Variants in CSGALNACT1 observed in about 807,000 individuals in gnomAD.
CSGALNACT1 encodes the protein chondroitin sulfate N-acetylgalactosaminyltransferase 1.
In CSGALNACT1, 52 loss-of-function variants were observed where a neutral mutation model predicts 51.0. The ratio of observed to expected loss-of-function variants is 1.02; its 90% CI spans 0.82 to 1.29. CSGALNACT1 has a LOEUF of 1.29. CSGALNACT1 is among the 50% of genes most tolerant of loss of function. The pLI is 0.00. For synonymous variants in CSGALNACT1, 341 were observed against 254.4 expected (o/e 1.34, Z -3.24); for missense variants, 935 against 679.2 (o/e 1.38, Z -4.19).
intron 1 of CSGALNACT1, among the ~76,000 whole-genome samples, chr8:19,705,736 C>G (rs1339855257): frequency 4.7e-5 from 7 of 148,124 alleles, no homozygotes; most frequent in African/African-American, 1.7e-4. Context: ...GACCCAGTCT[C>G]AAAAAAAAAT....
chr8:19,619,248 C>CGGG (rs58524593), intron 1 of CSGALNACT1, among the ~76,000 whole-genome samples: 2 of 41,392 alleles, frequency 4.8e-5, no homozygotes, highest in East Asian at 3.6e-3. Flanking sequence ...TAGACAGGGT[C>CGGG]GGGGGGGGGT....
At chr8:19,469,141 G>T (rs2067453420) in intron 4 of CSGALNACT1, among the ~76,000 whole-genome samples, 1 of 152,192 alleles carries the variant, frequency 6.6e-6, no homozygotes, top group Non-Finnish European at 1.5e-5. Context: ...TGTAATCCTA[G>T]CACTTTGGGA....
At chr8:19,459,405 A>C (rs993064242) in intron 4 of CSGALNACT1, among the ~76,000 whole-genome samples, 1 of 148,008 alleles carries the variant, frequency 6.8e-6, no homozygotes, top group Admixed American at 6.7e-5. Context: ...AAAAAAAAAA[A>C]AAGGAAAGAA....
At chr8:19,498,655 G>C (rs1188412048) in intron 4 of CSGALNACT1, among the ~76,000 whole-genome samples, 1 of 151,914 alleles carries the variant, frequency 6.6e-6, no homozygotes, top group Non-Finnish European at 1.5e-5. Context: ...CTTCCAATTT[G>C]TGTACAACGC....
intron 6 of CSGALNACT1, among the ~76,000 whole-genome samples, chr8:19,432,011 C>CA (rs1437539300): frequency 6.6e-6 from 1 of 151,940 alleles, no homozygotes; most frequent in Non-Finnish European, 1.5e-5. Context: ...GAGTCACAAA[C>CA]AAAAATACAT....
rs573380283 is a variant in CSGALNACT1, at chr8:19,535,095, A to T, written c.-296-28965T>A. Among the ~76,000 whole-genome samples the T allele has an allele frequency of 3.3e-5, 5 of 152,338 alleles. No individual in the cohort carries two copies. In the South Asian group the frequency reaches 1.0e-3, roughly 32 times the overall value. On this transcript the variant is annotated intron_variant, in intron 3 of 9. Coordinates refer to ENST00000454498, the Ensembl canonical transcript of CSGALNACT1. ...GGCTTAAAACCATCTGTGCTGAGAG[A>T]AAGAATGTGAAGAAATAGGTTCCTA...
intron 1 of CSGALNACT1, among the ~76,000 whole-genome samples, chr8:19,674,837 AAAAAT>A (rs1025474511): frequency 3.6e-4 from 55 of 152,310 alleles, no homozygotes; most frequent in African/African-American, 1.2e-3. Flanking sequence ...TTTTGAAAAA[AAAAAT>A]CATAAGTAGC....
chr8:19,678,142 C>G (rs564345945), intron 1 of CSGALNACT1, among the ~76,000 whole-genome samples: 45 of 152,204 alleles, frequency 3.0e-4, no homozygotes, highest in African/African-American at 1.0e-3. Flanking sequence ...CTAAATGCTA[C>G]TTAGTCATAC....
At chr8:19,655,175 G>C (rs1461306906) in intron 1 of CSGALNACT1, among the ~76,000 whole-genome samples, 1 of 152,106 alleles carries the variant, frequency 6.6e-6, no homozygotes, top group Non-Finnish European at 1.5e-5. Context: ...CTCTGTAGAA[G>C]ACATCTCTGA....
At chr8:19,713,618 GA>G (rs2062636241) in intron 1 of CSGALNACT1, among the ~76,000 whole-genome samples, 1 of 152,110 alleles carries the variant, frequency 6.6e-6, no homozygotes, top group Non-Finnish European at 1.5e-5. Context: ...GTCATGTGAT[GA>G]AAAAGGCAGA....
chr8:19,596,195 C>G (rs2048860457), intron 2 of CSGALNACT1, among the ~76,000 whole-genome samples: 1 of 152,052 alleles, frequency 6.6e-6, no homozygotes, highest in South Asian at 2.1e-4. Flanking sequence ...GGAAAGGTAT[C>G]ACATTGTGGG....
intron 6 of CSGALNACT1, among the ~76,000 whole-genome samples, chr8:19,437,086 C>G (rs1234737972): frequency 2.0e-5 from 3 of 151,964 alleles, no homozygotes; most frequent in Non-Finnish European, 2.9e-5. Flanking sequence ...TAGTTGCAGA[C>G]TTAGGACAAC....
intron 1 of CSGALNACT1, among the ~76,000 whole-genome samples, chr8:19,705,989 A>T: frequency 6.6e-6 from 1 of 152,168 alleles, no homozygotes. Flanking sequence ...CTCCCCTCCA[A>T]CATGAAGACA....
chr8:19,724,134 T>C (rs1218972812), intron 1 of CSGALNACT1, among the ~76,000 whole-genome samples: 1 of 152,206 alleles, frequency 6.6e-6, no homozygotes, highest in East Asian at 1.9e-4. Flanking sequence ...AGACCACCGC[T>C]GCCCAGCAGC....
chr8:19,610,870 C>G (rs2052153854), intron 1 of CSGALNACT1, among the ~76,000 whole-genome samples: 1 of 152,222 alleles, frequency 6.6e-6, no homozygotes, highest in African/African-American at 2.4e-5. Flanking sequence ...TAACACAAGC[C>G]GCCTACAGAC....
intron 4 of CSGALNACT1, among the ~76,000 whole-genome samples, chr8:19,462,172 G>A (rs1156407573): frequency 2.6e-5 from 4 of 152,230 alleles, no homozygotes; most frequent in Admixed American, 6.5e-5. Flanking sequence ...AGCCATATTC[G>A]CCACAGAGGC....
chr8:19,405,889 T>C (rs1299330302), exon 10 of CSGALNACT1: 27 of 1,614,066 alleles, frequency 1.7e-5, no homozygotes, highest in Admixed American at 3.3e-5. Flanking sequence ...GTTCATGGCC[T>C]TGGACTGCAT....
intron 1 of CSGALNACT1, among the ~76,000 whole-genome samples, chr8:19,714,347 T>C (rs200279808): frequency 6.6e-6 from 1 of 151,930 alleles, no homozygotes; most frequent in Non-Finnish European, 1.5e-5. Flanking sequence ...TTTTTTTTTG[T>C]TGTAATTATC....
upstream of CSGALNACT1, among the ~76,000 whole-genome samples, chr8:19,605,015 G>A (rs1250095309): frequency 6.6e-6 from 1 of 151,718 alleles, no homozygotes; most frequent in Non-Finnish European, 1.5e-5. Context: ...AGGCTGCCAT[G>A]TTGGCCTCAG....
Sources: allele counts gnomAD v4.1 joint callset (sites outside exome capture counted in the v4.1 genomes callset), GRCh38; gene constraint gnomAD v4.1.1; transcripts MANE v1.5; gene names NCBI Gene and HGNC (gene_info 2026-07-23, HGNC 2026-07-21).